PSMA1: variants seen among roughly 807,000 people sequenced by gnomAD.
PSMA1 encodes proteasome 20S subunit alpha 1, also known as proteasome subunit alpha type-1.
A neutral mutation model predicts 38.4 loss-of-function variants in PSMA1; 3 were observed. That is an observed-to-expected ratio of 0.08 (90% CI 0.04 to 0.20). The LOEUF (loss-of-function observed/expected upper bound fraction) is 0.20. PSMA1 is among the 10% of genes least tolerant of loss of function. The probability of loss-of-function intolerance (pLI) is 1.00; values close to 1 mark genes in which losing one functional copy is unlikely to be tolerated. For missense variants in PSMA1, 227 were observed against 325.3 expected (o/e 0.70, Z 2.32); for synonymous variants, 101 against 107.1 (o/e 0.94, Z 0.35).
chr11:14,579,661 T>C (rs1433561796), intron 2 of PSMA1, among the ~76,000 whole-genome samples: 1 of 152,142 alleles, frequency 6.6e-6, no homozygotes, highest in African/African-American at 2.4e-5. Flanking sequence ...GAGAGGAGTA[T>C]GTCTTGATTA....
intron 2 of PSMA1, among the ~76,000 whole-genome samples, chr11:14,559,667 G>C (rs970651224): frequency 1.3e-5 from 2 of 152,168 alleles, no homozygotes; most frequent in East Asian, 3.8e-4. Flanking sequence ...CCATGCTGCT[G>C]GTGAGGTAAA....
At chr11:14,518,201 A>T (rs562267216) in intron 2 of PSMA1, among the ~76,000 whole-genome samples, 1 of 151,896 alleles carries the variant, frequency 6.6e-6, no homozygotes, top group Non-Finnish European at 1.5e-5. Flanking sequence ...TCCTAGGCTC[A>T]AGCAGTCCTC....
chr11:14,612,484 C>T lies in PSMA1; in HGVS notation c.-165-1333G>A, dbSNP rs1852722122. Among the ~76,000 whole-genome samples, 3 of 151,778 alleles carry T rather than the reference C, an allele frequency of 2.0e-5. No individual in the cohort carries two copies. The South Asian group carries it at 6.2e-4, about 31-fold the overall frequency. ...AAACAGGAAAGAGACATTTAATTAT[C>T]ATATAAGCAGTTTATCTGCATTAAA... is the stretch of plus-strand genomic sequence containing the variant. On this transcript the variant is annotated intron_variant, in intron 1 of 10. Transcript: ENST00000418988.
intron 2 of PSMA1, among the ~76,000 whole-genome samples, chr11:14,566,350 T>C (rs531316239): frequency 6.6e-6 from 1 of 152,176 alleles, no homozygotes; most frequent in African/African-American, 2.4e-5. Context: ...TGAGAAGTGA[T>C]TATATTCTAA....
intron 2 of PSMA1, among the ~76,000 whole-genome samples, chr11:14,565,627 G>A (rs1044822195): frequency 6.6e-6 from 1 of 152,166 alleles, no homozygotes; most frequent in East Asian, 1.9e-4. Flanking sequence ...TATTTATGGA[G>A]CACTTGGGCC....
At chr11:14,587,584 GT>G (rs1029681243) in intron 2 of PSMA1, among the ~76,000 whole-genome samples, 55 of 139,566 alleles carry the variant, frequency 3.9e-4, no homozygotes, top group Admixed American at 7.1e-4. Flanking sequence ...TGAAAGACCT[GT>G]TTTTTTTTTT....
At chr11:14,532,075 A>AT (rs929327698) in intron 2 of PSMA1, among the ~76,000 whole-genome samples, 2 of 151,100 alleles carry the variant, frequency 1.3e-5, no homozygotes, top group South Asian at 2.1e-4. Context: ...TACCATTTTA[A>AT]TTTTTTTCAG....
chr11:14,603,218 A>G (rs968515047), intron 2 of PSMA1, among the ~76,000 whole-genome samples: 1 of 152,208 alleles, frequency 6.6e-6, no homozygotes, highest in Non-Finnish European at 1.5e-5. Context: ...AAGGAAGGAG[A>G]AGTAATTCAC....
rs138509583 is a variant in PSMA1, at chr11:14,642,066, T to C, written c.-166+1389A>G. ...CCATGATCACGTGCCAATCCTACTT[T>C]AGATGATAACTTCAGATTAAATGCC... On this transcript the variant is annotated intron_variant, in intron 1 of 10. Transcript: ENST00000418988. Among the ~76,000 whole-genome samples the C allele has an allele frequency of 7.9e-4, 120 of 152,288 alleles. 1 individual carries two copies. Among genetic ancestry groups the C allele is most frequent in the Admixed American group, 7.5e-3 (115 of 15,292 alleles).
At chr11:14,514,553 T>C (rs1851396454) in intron 4 of PSMA1, 62 bp from the exon 5 acceptor site, 1 of 1,232,422 alleles carries the variant, frequency 8.1e-7, no homozygotes. Flanking sequence ...CCAATCTAAA[T>C]TGTTTGATTT....
intron 2 of PSMA1, among the ~76,000 whole-genome samples, chr11:14,518,282 T>C (rs933870415): frequency 6.6e-6 from 1 of 152,012 alleles, no homozygotes; most frequent in Non-Finnish European, 1.5e-5. Context: ...TTGTATTTCT[T>C]GTAGAGTCCG....
At chr11:14,521,417 G>C (rs982213152), upstream of PSMA1, among the ~76,000 whole-genome samples, 1 of 151,628 alleles carries the variant, frequency 6.6e-6, no homozygotes, top group Non-Finnish European at 1.5e-5. Flanking sequence ...TCTTGAGCCA[G>C]GGAGATCGAG....
chr11:14,539,740 T>C (rs1036139679), intron 2 of PSMA1, among the ~76,000 whole-genome samples: 13 of 151,952 alleles, frequency 8.6e-5, no homozygotes, highest in South Asian at 2.1e-4. Context: ...TCCCAGCTAC[T>C]CAGGAGGCTG....
At chr11:14,536,133 A>C (rs559329980) in intron 2 of PSMA1, among the ~76,000 whole-genome samples, 1 of 152,346 alleles carries the variant, frequency 6.6e-6, no homozygotes, top group East Asian at 1.9e-4. Flanking sequence ...TCATTCCTTC[A>C]AAAAATATTT....
In PSMA1 at chr11:14,534,857, C is replaced by T. The variant is rs574186035; in HGVS notation, c.22-15816G>A. On this transcript the variant is annotated intron_variant, in intron 2 of 10. Coordinates refer to the PSMA1 transcript ENST00000418988. The surrounding 1 kb of genome is among the most constrained non-coding windows in gnomAD (Gnocchi z 4.5). ...AGCACTTTGGGAGGCAGGCAGATCT[C>T]CTGAGATCAGGAATTCAAGACCAGC... is the stretch of plus-strand genomic sequence containing the variant. Among the ~76,000 whole-genome samples the T allele has an allele frequency of 6.6e-6, 1 of 152,312 alleles. No homozygotes were observed. The highest frequency in any genetic ancestry group is 1.9e-4 in the East Asian group (1 of 5,186).
chr11:14,620,596 T>C (rs1852832787), intron 1 of PSMA1, among the ~76,000 whole-genome samples: 1 of 152,240 alleles, frequency 6.6e-6, no homozygotes, highest in Non-Finnish European at 1.5e-5. Context: ...TGGAAGGCTC[T>C]GTAAAGACAG....
chr11:14,512,988 C>T (rs546663340), intron 7 of PSMA1, among the ~76,000 whole-genome samples: 1 of 152,180 alleles, frequency 6.6e-6, no homozygotes, highest in Non-Finnish European at 1.5e-5. Flanking sequence ...ATTCACTAAA[C>T]CCCAAATATT....
intron 3 of PSMA1, 39 bp downstream of exon 3, chr11:14,517,841 G>T: frequency 2.0e-6 from 3 of 1,517,916 alleles, no homozygotes; most frequent in Non-Finnish European, 2.7e-6. Context: ...AATTTACATT[G>T]TTTTCTACAG....
At position 14,514,449 on chromosome 11, in the gene PSMA1, G is replaced by T. The variant is rs754900146; in HGVS notation, c.297C>A (p.Phe99Leu). Residue 99 changes from phenylalanine to leucine, a missense_variant, in exon 5 of 10, where the codon TTC becomes TTA. Transcript: ENST00000396394. ...RQECLDSRFV[F>L]DRPLPVSRLV... Reference sequence around the variant, plus strand: ...GACGAGACACAGGCAGTGGTCTATCGAATACAAATCTGGAATCCAAACACT... The same window carrying T: ...GACGAGACACAGGCAGTGGTCTATCTAATACAAATCTGGAATCCAAACACT... The T allele has an allele frequency of 1.9e-6, 3 of 1,605,106 alleles. No homozygotes were observed. Among genetic ancestry groups the T allele is most frequent in the Non-Finnish European group, 2.6e-6 (3 of 1,176,332 alleles).
Sources: gnomAD v4.1 joint callset for allele counts (sites outside exome capture counted in the v4.1 genomes callset) on GRCh38, gnomAD v4.1.1 for gene constraint, Gnocchi (gnomAD v3.1) non-coding constraint, MANE v1.5 for transcripts, NCBI Gene and HGNC (gene_info 2026-07-23, HGNC 2026-07-21) for gene names.